ANO10: variants seen among roughly 807,000 people sequenced by gnomAD.
ANO10 encodes the protein anoctamin-10.
In ANO10, 77 loss-of-function variants were observed where a neutral mutation model predicts 74.7. The ratio of observed to expected loss-of-function variants is 1.03; its 90% CI spans 0.86 to 1.25. ANO10 has a LOEUF of 1.25. ANO10 is among the 50% of genes most tolerant of loss of function. The pLI is 0.00. For missense variants in ANO10, 721 were observed against 778.1 expected (o/e 0.93, Z 0.87); for synonymous variants, 279 against 284.9 (o/e 0.98, Z 0.21).
rs1459820560 is a variant in ANO10 at position 43,458,913 on chromosome 3, GTTTTC to G, written c.1798-26191_1798-26187del. Among the ~76,000 whole-genome samples, 6 of 152,056 alleles carry G rather than the reference GTTTTC, an allele frequency of 3.9e-5. No homozygotes were observed. The East Asian group carries it at 1.2e-3, about 29-fold the overall frequency. ...TATGAGTGAGAATATGTGGTGTTTG[GTTTTC>G]TGTTCCTGTGTTAGTTTGCTGAGGA... On this transcript the variant is annotated intron_variant, in intron 11 of 12. Coordinates refer to ENST00000292246, the MANE Select transcript of ANO10 (RefSeq NM_018075.5).
intron 11 of ANO10, among the ~76,000 whole-genome samples, chr3:43,470,201 T>G (rs567936427): frequency 3.9e-5 from 6 of 152,318 alleles, no homozygotes; most frequent in South Asian, 4.1e-4. Flanking sequence ...AAATCTTAAA[T>G]GGATACTGCT....
At chr3:43,468,687 C>T (rs1233138399) in intron 11 of ANO10, among the ~76,000 whole-genome samples, 1 of 151,394 alleles carries the variant, frequency 6.6e-6, no homozygotes, top group Non-Finnish European at 1.5e-5. Context: ...CCCTAAACAT[C>T]TCAGTGGGTT....
intron 12 of ANO10, among the ~76,000 whole-genome samples, chr3:43,373,066 T>C (rs552486884): frequency 9.9e-5 from 15 of 152,206 alleles, no homozygotes; most frequent in Non-Finnish European, 1.5e-4. Flanking sequence ...ATGGGCTTTA[T>C]GTCAGAAGCA....
chr3:43,423,444 T>C (rs1025323458), intron 12 of ANO10, among the ~76,000 whole-genome samples: 3 of 152,338 alleles, frequency 2.0e-5, no homozygotes, highest in South Asian at 4.1e-4. Context: ...AGTCATCACC[T>C]GGCCCTCGGG....
intron 1 of ANO10, among the ~76,000 whole-genome samples, chr3:43,674,215 C>T (rs1347734333): frequency 6.6e-6 from 1 of 152,190 alleles, no homozygotes; most frequent in Non-Finnish European, 1.5e-5. Context: ...TCATAGCTCA[C>T]TGTAATGTTG....
At chr3:43,497,072 G>T (rs572400727) in intron 11 of ANO10, among the ~76,000 whole-genome samples, 4 of 152,256 alleles carry the variant, frequency 2.6e-5, no homozygotes, top group African/African-American at 9.6e-5. Context: ...TTGGTAGATG[G>T]GATGAAGAGT....
At chr3:43,371,375 G>T (rs1043641353) in intron 12 of ANO10, among the ~76,000 whole-genome samples, 1 of 152,182 alleles carries the variant, frequency 6.6e-6, no homozygotes, top group Non-Finnish European at 1.5e-5. Flanking sequence ...CTTCAGCCCA[G>T]CAGCAGCACC....
At chr3:43,626,567 C>A (rs2083494553), upstream of ANO10, among the ~76,000 whole-genome samples, 3 of 152,090 alleles carry the variant, frequency 2.0e-5, no homozygotes, top group South Asian at 6.2e-4. Flanking sequence ...TCCCAAAGTG[C>A]TGGGATTACA....
chr3:43,528,288 G>T (rs932971894), intron 11 of ANO10, among the ~76,000 whole-genome samples: 1 of 150,876 alleles, frequency 6.6e-6, no homozygotes, highest in South Asian at 2.1e-4. Context: ...TTCCATTTTT[G>T]ATTTTGTTCC....
At chr3:43,675,549 G>T (rs2084111537) in intron 1 of ANO10, among the ~76,000 whole-genome samples, 1 of 151,924 alleles carries the variant, frequency 6.6e-6, no homozygotes, top group Non-Finnish European at 1.5e-5. Flanking sequence ...GTTAGAAAAT[G>T]AGCAAAATAT....
intron 2 of ANO10, among the ~76,000 whole-genome samples, chr3:43,604,845 A>G (rs2082489291): frequency 6.6e-6 from 1 of 152,164 alleles, no homozygotes; most frequent in African/African-American, 2.4e-5. Context: ...AAATGCTCAC[A>G]TTTCAGCAAG....
At chr3:43,457,858 G>A (rs2075204887) in intron 11 of ANO10, among the ~76,000 whole-genome samples, 1 of 152,152 alleles carries the variant, frequency 6.6e-6, no homozygotes, top group South Asian at 2.1e-4. Context: ...AGTGCAACAT[G>A]GAGAGTTCTG....
chr3:43,618,427 C>T (rs934037923), intron 1 of ANO10, among the ~76,000 whole-genome samples: 1 of 152,138 alleles, frequency 6.6e-6, no homozygotes, highest in Non-Finnish European at 1.5e-5. Context: ...CTCTCATTAC[C>T]CCAGATACTG....
intron 4 of ANO10, among the ~76,000 whole-genome samples, chr3:43,596,371 A>G (rs368074636): frequency 9.9e-5 from 15 of 151,938 alleles, no homozygotes; most frequent in African/African-American, 3.6e-4. Flanking sequence ...TATACTACAA[A>G]GCTACAGTAA....
chr3:43,489,393 C>T (rs372802400), intron 11 of ANO10, among the ~76,000 whole-genome samples: 1 of 151,956 alleles, frequency 6.6e-6, no homozygotes, highest in Non-Finnish European at 1.5e-5. Flanking sequence ...ATTTTTATAA[C>T]CTTAAGGTGG....
intron 11 of ANO10, among the ~76,000 whole-genome samples, chr3:43,433,491 A>G (rs1356125550): frequency 6.6e-6 from 1 of 152,192 alleles, no homozygotes; most frequent in Non-Finnish European, 1.5e-5. Context: ...CTCTAATCCC[A>G]TAGCATTTGG....
intron 1 of ANO10, among the ~76,000 whole-genome samples, chr3:43,607,311 G>A (rs1450481035): frequency 1.3e-5 from 2 of 151,380 alleles, no homozygotes; most frequent in East Asian, 1.9e-4. Flanking sequence ...AGACCAGCCT[G>A]GGCAACATAG....
chr3:43,579,454 A>G (rs2081166848), intron 5 of ANO10, among the ~76,000 whole-genome samples: 1 of 152,218 alleles, frequency 6.6e-6, no homozygotes, highest in African/African-American at 2.4e-5. Context: ...ACGGTGGCTC[A>G]CACCTGTAAT....
At chr3:43,466,392 C>CAA (rs751455876) in intron 11 of ANO10, among the ~76,000 whole-genome samples, 1 of 124,836 alleles carries the variant, frequency 8.0e-6, no homozygotes, top group African/African-American at 3.0e-5. Flanking sequence ...AAAAAACAAA[C>CAA]AAAAAAACCA....
Sources: allele counts gnomAD v4.1 joint callset (sites outside exome capture counted in the v4.1 genomes callset), GRCh38; gene constraint gnomAD v4.1.1; transcripts MANE v1.5; gene names NCBI Gene and HGNC (gene_info 2026-07-23, HGNC 2026-07-21).